The following DCAF11 variants were observed in gnomAD, a reference collection of about 807,000 sequenced individuals.
The protein encoded by DCAF11 is DDB1 and CUL4 associated factor 11.
In DCAF11, 44 loss-of-function variants were observed where a neutral mutation model predicts 76.1. That is an observed-to-expected ratio of 0.58 (90% CI 0.45 to 0.74). DCAF11 has a LOEUF of 0.74. Among genes scored for constraint, DCAF11 ranks in the 30% least tolerant of loss-of-function variants. The probability of loss-of-function intolerance (pLI) is 0.00; values close to 1 mark genes in which losing one functional copy is unlikely to be tolerated. For missense variants in DCAF11, 604 were observed against 709.4 expected, an observed-to-expected ratio of 0.85 and a Z score of 1.69; for synonymous variants, 258 against 255.0, an observed-to-expected ratio of 1.01 and a Z score of -0.11.
rs563193131 is a variant in DCAF11 at position 24,119,705 on chromosome 14, G to T, written c.907-6G>T. On this transcript the variant is annotated splice_polypyrimidine_tract_variant and splice_region_variant and intron_variant, in intron 10 of 14. Coordinates refer to ENST00000446197, the MANE Select transcript of DCAF11 (RefSeq NM_025230.5). ...GGTCTTATATCCTGGCCTCCTTTTC[G>T]CCTAGATTGAGTCCCATGAGGATGA... 1 of 1,614,048 alleles carries T rather than the reference G, an allele frequency of 6.2e-7. No homozygotes were observed. The highest frequency in any genetic ancestry group is 8.5e-7 in the Non-Finnish European group (1 of 1,179,962).
Position 24,123,997 on chromosome 14 carries a change from T to C in DCAF11, c.*688T>C, listed in dbSNP as rs1479869612. 6.6e-6 allele frequency: 1 copy of C among 152,222 alleles called. No individual in the cohort carries two copies. The highest frequency in any genetic ancestry group is 6.5e-5 in the Admixed American group (1 of 15,288). 9.4% of individuals were successfully genotyped at this position (152,222 alleles called of 1,614,324 possible). A position where few individuals can be genotyped will look rare whatever the true frequency, so the allele number is the denominator to read the frequency against. On this transcript the variant is annotated 3_prime_UTR_variant, in exon 15 of 15. Transcript: ENST00000446197. ...AGGACTCCTTCGTCCTCTCACTGGC[T>C]TTGGCTCCCTCAATAAACTGTGTGG...
At chr14:24,120,769 G>T (rs531335037) in intron 11 of DCAF11, 69 bp from the exon 12 acceptor site, 1 of 1,575,236 alleles carries the variant, frequency 6.3e-7, no homozygotes, top group Non-Finnish European at 8.7e-7. Flanking sequence ...ACTAGAGAAC[G>T]GGAACTAGAC....
At chr14:24,120,473 C>T (rs1014126121) in intron 11 of DCAF11, among the ~76,000 whole-genome samples, 8 of 151,980 alleles carry the variant, frequency 5.3e-5, no homozygotes, top group South Asian at 2.1e-4. Context: ...AGGAGAATGG[C>T]GTGAACCCGG....
chr14:24,121,249 CT>C (rs2037684898), intron 12 of DCAF11, 115 bp from the exon 13 acceptor site: 5 of 1,401,546 alleles, frequency 3.6e-6, no homozygotes, highest in Non-Finnish European at 4.9e-6. Context: ...AGAGCCACCA[CT>C]TGAAGATTGG....
At chr14:24,120,814 C>G (rs745573735) in intron 11 of DCAF11, 24 bp from the exon 12 acceptor site, 1 of 1,611,524 alleles carries the variant, frequency 6.2e-7, no homozygotes, top group South Asian at 1.1e-5. Flanking sequence ...TCTGATGCTT[C>G]ACTATCCACC....
Position 24,114,942 on chromosome 14 carries a change from G to A in DCAF11, c.-565G>A. ...CCTGGCTGGTGGGTGGTCTCGCGTG[G>A]GGCGGTTACCGCCGGCTTCAGTGGG... On this transcript the variant is annotated 5_prime_UTR_variant, in exon 1 of 15. Coordinates refer to ENST00000446197, the MANE Select transcript of DCAF11 (RefSeq NM_025230.5). The A allele has an allele frequency of 2.0e-6, 2 of 986,038 alleles. No individual in the cohort carries two copies. The highest frequency in any genetic ancestry group is 2.4e-6 in the Non-Finnish European group (2 of 830,008). The allele number at this position is 986,038 out of a possible 1,614,324, so 61.1% of individuals were successfully genotyped here. A position where few individuals can be genotyped will look rare whatever the true frequency, so the allele number is the denominator to read the frequency against.
At position 24,118,121 on chromosome 14, in the gene DCAF11, C is replaced by A. The variant is rs1194453994; in HGVS notation, c.543C>A (p.Ser181Arg). 2 of 1,612,990 alleles carry A rather than the reference C, an allele frequency of 1.2e-6. No homozygotes were observed. The highest frequency in any genetic ancestry group is 1.7e-6 in the Non-Finnish European group (2 of 1,179,694). Residue 181 changes from serine to arginine, a missense_variant, in exon 6 of 15, where the codon AGC (serine) becomes AGA (arginine). Physicochemically the swap from Ser to Arg is moderately radical, Grantham distance 110 (BLOSUM62 -1). Coordinates refer to ENST00000446197, the MANE Select transcript of DCAF11 (RefSeq NM_025230.5). ...YSQKAFCGIY[S>R]KDGQIFMSAC... ...AGAAGGCTTTCTGTGGCATCTACAG[C>A]AAAGATGGTCAAATATTCATGTCTG...
At chr14:24,118,586 C>T (rs2277482) in intron 7 of DCAF11, 52 bp downstream of exon 7, 488,338 of 1,602,280 alleles carry the variant, frequency 0.3, 77,676 homozygotes, top group Admixed American at 0.47. Flanking sequence ...CCTGAGGTTT[C>T]CATGTGCCTG....
rs925217648 is a variant in DCAF11, at chr14:24,117,325, C to G, written c.343C>G (p.Leu115Val). ...CAATGAGATCAAGACACAAGTGGAA[C>G]TGGCCACAGGGCAGCTGGGGCTTAG... is the stretch of plus-strand genomic sequence containing the variant. ...EFNEIKTQVELATGQLGLRRA... is the reference protein window; with the variant it reads ...EFNEIKTQVEVATGQLGLRRA... Residue 115 changes from leucine to valine, a missense_variant, in exon 4 of 15, where the codon CTG (leucine) becomes GTG (valine). Transcript: ENST00000446197. The surrounding 1 kb of genome is among the most constrained non-coding windows in gnomAD (Gnocchi z 4.3). 1 of 1,614,108 alleles carries G rather than the reference C, an allele frequency of 6.2e-7. No individual in the cohort carries two copies. The highest frequency in any genetic ancestry group is 1.3e-5 in the African/African-American group (1 of 74,932).
Position 24,117,327 on chromosome 14 carries a change from G to A in DCAF11, c.345G>A (p.Leu115=), listed in dbSNP as rs150144513. The change falls in exon 4 of 15, where the codon CTG becomes CTA. Residue 115 remains leucine (L), a synonymous_variant. Transcript: ENST00000446197. This position sits in a 1 kb window ranked among gnomAD's most constrained non-coding sequence, Gnocchi z 4.3. ...ATGAGATCAAGACACAAGTGGAACT[G>A]GCCACAGGGCAGCTGGGGCTTAGGC... ...EFNEIKTQVE[L]ATGQLGLRRA... The A allele has an allele frequency of 7.4e-6, 12 of 1,614,238 alleles. No homozygotes were observed. Among genetic ancestry groups the A allele is most frequent in the Non-Finnish European group, 9.3e-6 (11 of 1,180,050 alleles).
chr14:24,121,218 C>T, intron 12 of DCAF11, 147 bp from the exon 13 acceptor site: 1 of 1,188,922 alleles, frequency 8.4e-7, no homozygotes, highest in Non-Finnish European at 1.2e-6. Context: ...GGAGACTGTC[C>T]ACTGACTATT....
At position 24,116,942 on chromosome 14, in the gene DCAF11, G is replaced by C. The variant is rs369906769; in HGVS notation, c.181G>C (p.Gly61Arg). ...RRGQVRLVQG[G>R]GAANLQFIQA... Reference sequence around the variant, plus strand: ...AGGCCAAGTGAGGTTGGTGCAGGGAGGAGGTGCAGCAAATTTACAATTCAT... The same window carrying C: ...AGGCCAAGTGAGGTTGGTGCAGGGACGAGGTGCAGCAAATTTACAATTCAT... The change falls in exon 3 of 15, where the codon GGA (glycine) becomes CGA (arginine). Residue 61 changes from glycine (G) to arginine (R), a missense_variant. Physicochemically the swap from Gly to Arg is moderately radical, Grantham distance 125. Transcript: ENST00000446197. 61 of 1,614,080 alleles carry C rather than the reference G, an allele frequency of 3.8e-5. No homozygotes were observed. Among genetic ancestry groups the C allele is most frequent in the Non-Finnish European group, 5.1e-5 (60 of 1,180,040 alleles).
chr14:24,118,689 C>G (rs1434615165), intron 7 of DCAF11, 61 bp from the exon 8 acceptor site: 16 of 1,604,918 alleles, frequency 1.0e-5, no homozygotes, highest in Non-Finnish European at 1.4e-5. Flanking sequence ...TCTTCCCTAG[C>G]TTCACTTCCA....
At chr14:24,121,552 G>T in intron 13 of DCAF11, 35 bp downstream of exon 13, 1 of 1,607,960 alleles carries the variant, frequency 6.2e-7, no homozygotes, top group Non-Finnish European at 8.5e-7. Flanking sequence ...GCCTCAGGAA[G>T]GGCAGGAATG....
chr14:24,115,438 G>A lies in DCAF11; in HGVS notation c.-157G>A. On this transcript the variant is annotated 5_prime_UTR_variant, in exon 2 of 15. Coordinates refer to ENST00000446197, the MANE Select transcript of DCAF11 (RefSeq NM_025230.5). The stretch of plus-strand genomic sequence containing the variant: ...GGTAGTTGGCATAGGCTAAAGAAAA[G>A]GGATCTCAGCCCCGAGGAAGGGTCA... The A allele has an allele frequency of 9.5e-7, 1 of 1,057,420 alleles. No homozygotes were observed. Among genetic ancestry groups the A allele is most frequent in the Non-Finnish European group, 1.3e-6 (1 of 755,806 alleles). 65.5% of individuals were successfully genotyped at this position (1,057,420 alleles called of 1,614,324 possible). A position where few individuals can be genotyped will look rare whatever the true frequency, so the allele number is the denominator to read the frequency against.
rs949635557 is a variant in DCAF11, at chr14:24,124,085, TCTC to T, written c.*780_*782del. On this transcript the variant is annotated 3_prime_UTR_variant, in exon 15 of 15. Transcript: ENST00000446197. ...TGTTTTTCCTATCTGAGGTCTTTCA[TCTC>T]CTCACTTCAGGAAAACACAGTTCAG... The T allele has an allele frequency of 6.6e-6, 1 of 152,224 alleles. No individual in the cohort carries two copies. Among genetic ancestry groups the T allele is most frequent in the African/African-American group, 2.4e-5 (1 of 41,464 alleles). The allele number at this position is 152,224 out of a possible 1,614,324, so 9.4% of individuals were successfully genotyped here.
At position 24,125,238 on chromosome 14, in the gene DCAF11, T is replaced by G. The variant is rs893676900; in HGVS notation, c.*1929T>G. 6.6e-6 allele frequency: 1 copy of G among 152,110 alleles called. No homozygotes were observed. Among genetic ancestry groups the G allele is most frequent in the African/African-American group, 2.4e-5 (1 of 41,404 alleles). The allele number at this position is 152,110 out of a possible 1,614,324, so 9.4% of individuals were successfully genotyped here. A position where few individuals can be genotyped will look rare whatever the true frequency, so the allele number is the denominator to read the frequency against. On this transcript the variant is annotated 3_prime_UTR_variant, in exon 15 of 15. Coordinates refer to ENST00000446197, the MANE Select transcript of DCAF11 (RefSeq NM_025230.5). ...AAATAAATAATAAATAAATAAATGT[T>G]CAGATCCTTGGCTTCTGTGTTCTCA...
rs1221869439 is a variant in DCAF11, at chr14:24,119,619, A to T, written c.906+3A>T. The T allele has an allele frequency of 1.2e-6, 2 of 1,614,150 alleles. No individual in the cohort carries two copies. The highest frequency in any genetic ancestry group is 4.5e-5 in the East Asian group (2 of 44,880). On this transcript the variant is annotated splice_donor_region_variant and intron_variant, in intron 10 of 14. Transcript: ENST00000446197. Reference sequence around the variant, plus strand: ...AACAGAACCGGCGCACCCTTCAGGTATGGCTCCTGAGATAGAGCCTCTGCC... The same window carrying T: ...AACAGAACCGGCGCACCCTTCAGGTTTGGCTCCTGAGATAGAGCCTCTGCC...
Position 24,115,650 on chromosome 14 carries a change from G to A in DCAF11, c.56G>A (p.Gly19Asp), listed in dbSNP as rs148072819. 2.5e-6 allele frequency: 4 copies of A among 1,613,918 alleles called. No homozygotes were observed. In the African/African-American group the frequency reaches 4.0e-5, roughly 16 times the overall value. ...AGSGSGDPSE[G>D]LPRRGAGLRR... ...TCCGGGTCCGGAGACCCCTCCGAGG[G>A]CTTGCCCCGAAGAGGGGCTGGCCTG... The change falls in exon 2 of 15, where the codon GGC becomes GAC. Residue 19 changes from glycine (G) to aspartate (D), a missense_variant. Coordinates refer to ENST00000446197, the MANE Select transcript of DCAF11 (RefSeq NM_025230.5).
Sources: gnomAD v4.1 joint callset for allele counts (sites outside exome capture counted in the v4.1 genomes callset) on GRCh38, gnomAD v4.1.1 for gene constraint, Gnocchi (gnomAD v3.1) non-coding constraint, MANE v1.5 for transcripts, NCBI Gene and HGNC (gene_info 2026-07-23, HGNC 2026-07-21) for gene names.